EIF4E3: variants seen among roughly 807,000 people sequenced by gnomAD.
EIF4E3 encodes the protein eukaryotic translation initiation factor 4E family member 3, also known as eukaryotic translation initiation factor 4E type 3.
In EIF4E3, 26 loss-of-function variants were observed where a neutral mutation model predicts 31.7. The observed-to-expected ratio is 0.82, with a 90% CI of 0.60 to 1.14. The LOEUF is 1.14. Ranked by LOEUF, EIF4E3 falls within the 50% of genes most tolerant of loss-of-function variation. EIF4E3 has a pLI of 0.00. For synonymous variants in EIF4E3, 128 were observed against 107.7 expected, an observed-to-expected ratio of 1.19 and a Z score of -1.17; for missense variants, 304 against 270.9, an observed-to-expected ratio of 1.12 and a Z score of -0.86.
chr3:71,667,633 T>C, the EIF4E3 span, among the ~76,000 whole-genome samples: 1 of 152,176 alleles, frequency 6.6e-6, no homozygotes, highest in East Asian at 1.9e-4. Flanking sequence ...AGCCAAATCA[T>C]GAGTGAACTC....
upstream of EIF4E3, among the ~76,000 whole-genome samples, chr3:71,728,304 T>G (rs188864926): frequency 5.1e-4 from 77 of 152,346 alleles, no homozygotes; most frequent in Non-Finnish European, 5.4e-4. Flanking sequence ...TTATTTTTAT[T>G]GCTCTTCAGA....
At chr3:71,710,755 C>T (rs1006955905) in intron 1 of EIF4E3, among the ~76,000 whole-genome samples, 2 of 152,244 alleles carry the variant, frequency 1.3e-5, no homozygotes, top group African/African-American at 4.8e-5. Flanking sequence ...GGAATGGACA[C>T]CTGAAAATCA....
At chr3:71,743,011 C>T (rs568953722) in intron 1 of EIF4E3, among the ~76,000 whole-genome samples, 77 of 152,244 alleles carry the variant, frequency 5.1e-4, no homozygotes, top group African/African-American at 1.7e-3. Flanking sequence ...CATCTATAGG[C>T]GCCTATAAAA....
intron 2 of EIF4E3, among the ~76,000 whole-genome samples, chr3:71,701,974 G>T (rs925432182): frequency 3.3e-5 from 5 of 152,164 alleles, no homozygotes; most frequent in African/African-American, 1.2e-4. Context: ...GTACAAATAA[G>T]ATTATTCCAA....
intron 6 of EIF4E3, among the ~76,000 whole-genome samples, chr3:71,688,127 T>C (rs1199442911): frequency 6.6e-6 from 1 of 152,220 alleles, no homozygotes; most frequent in African/African-American, 2.4e-5. Flanking sequence ...CTGTATTACA[T>C]ACTTTGCAAT....
intron 6 of EIF4E3, among the ~76,000 whole-genome samples, chr3:71,686,428 A>C (rs1429638555): frequency 6.6e-6 from 1 of 152,048 alleles, no homozygotes; most frequent in East Asian, 1.9e-4. Flanking sequence ...GGAGAGATGC[A>C]CTTTATACCT....
intron 2 of EIF4E3, 126 bp downstream of exon 2, chr3:71,710,286 C>T: frequency 9.3e-7 from 1 of 1,076,088 alleles, no homozygotes; most frequent in Non-Finnish European, 1.4e-6. Flanking sequence ...CCAACCTGGA[C>T]CCGAGAGCCA....
chr3:71,697,221 T>G (rs913528949), intron 3 of EIF4E3, among the ~76,000 whole-genome samples: 1 of 152,030 alleles, frequency 6.6e-6, no homozygotes. Flanking sequence ...CTCTCTCACT[T>G]TGCTGCTCAG....
chr3:71,690,054 T>A lies in EIF4E3; in HGVS notation c.584A>T (p.Tyr195Phe). 6.2e-7 allele frequency: 1 copy of A among 1,613,806 alleles called. No homozygotes were observed. The highest frequency in any genetic ancestry group is 8.5e-7 in the Non-Finnish European group (1 of 1,179,900). ...VGEATVLEKI[Y>F]ELLPHITFKA... ...AAAAGTTATGTGGGGCAGAAGTTCA[T>A]AGATCTTTTCTAAAACAGTCGCTTC... The change falls in exon 6 of 7, where the codon TAT becomes TTT. Residue 195 changes from tyrosine (Y) to phenylalanine (F), a missense_variant. Coordinates refer to ENST00000425534, the MANE Select transcript of EIF4E3 (RefSeq NM_001134651.2).
chr3:71,694,070 C>CCA, intron 4 of EIF4E3, 129 bp from the exon 5 acceptor site: 1 of 783,014 alleles, frequency 1.3e-6, no homozygotes, highest in South Asian at 2.2e-5. Flanking sequence ...TACTTGGAGT[C>CCA]CACAGACACC....
At chr3:71,754,150 C>T (rs774453916), upstream of EIF4E3, 5 of 1,459,142 alleles carry the variant, frequency 3.4e-6, no homozygotes, top group Admixed American at 4.0e-5. The surrounding 1 kb of genome is among the most constrained non-coding windows in gnomAD (Gnocchi z 5.8). Flanking sequence ...GTGAGCCTAG[C>T]GGGCAACGTG....
intron 3 of EIF4E3, among the ~76,000 whole-genome samples, 193 bp downstream of exon 3, chr3:71,699,421 A>G (rs2108047138): frequency 6.6e-6 from 1 of 152,350 alleles, no homozygotes; most frequent in South Asian, 2.1e-4. Flanking sequence ...AAACTAACTT[A>G]CTGTCCATCT....
At chr3:71,728,611 GA>G (rs1406812576), upstream of EIF4E3, 1 of 152,808 alleles carries the variant, frequency 6.5e-6, no homozygotes, top group Non-Finnish European at 1.5e-5. Context: ...AAGAGAAGGT[GA>G]CCCCACAGCC....
chr3:71,710,421 C>T lies in EIF4E3; in HGVS notation c.240G>A (p.Gln80=), dbSNP rs1459635103. The T allele has an allele frequency of 6.4e-7, 1 of 1,552,008 alleles. No homozygotes were observed. The highest frequency in any genetic ancestry group is 1.4e-5 in the African/African-American group (1 of 73,042). Reference sequence around the variant, plus strand: ...CCTCTCTTGATCTTACCTGTACTGTCTGTACTGTGTAGATTTTCTTCAGAT... The same window carrying T: ...CCTCTCTTGATCTTACCTGTACTGTTTGTACTGTGTAGATTTTCTTCAGAT... ...ASNLKKIYTV[Q]TVQIFWSVYN... The change falls in exon 2 of 7, where the codon CAG becomes CAA. Residue 80 remains glutamine (Q), a synonymous_variant. Transcript: ENST00000425534.
At position 71,717,243 on chromosome 3, in the gene EIF4E3, T is replaced by C. The variant is rs2049479076; in HGVS notation, c.177-6759A>G. ...ATGAGACCTGCTAAATCCTATGTGA[T>C]TTGCATGTACATTAGAGTTTGAGAC... On this transcript the variant is annotated intron_variant, in intron 1 of 6. Transcript: ENST00000425534. Among the ~76,000 whole-genome samples the C allele has an allele frequency of 2.0e-5, 3 of 152,216 alleles. 1 individual carries two copies. In the South Asian group the frequency reaches 6.2e-4, roughly 32 times the overall value.
intron 2 of EIF4E3, among the ~76,000 whole-genome samples, chr3:71,703,912 C>G (rs886720654): frequency 6.6e-6 from 1 of 151,362 alleles, no homozygotes; most frequent in African/African-American, 2.4e-5. Flanking sequence ...TATTTTTGCT[C>G]ATTAGGTATT....
At chr3:71,661,950 C>A in the EIF4E3 span, among the ~76,000 whole-genome samples, 3 of 152,160 alleles carry the variant, frequency 2.0e-5, no homozygotes, top group Non-Finnish European at 4.4e-5. Flanking sequence ...CCAGCTAAGT[C>A]ACCTTGGACA....
intron 1 of EIF4E3, among the ~76,000 whole-genome samples, chr3:71,753,293 G>A (rs1361752175): frequency 6.6e-6 from 1 of 152,176 alleles, no homozygotes; most frequent in Non-Finnish European, 1.5e-5. Flanking sequence ...AGCGGTTTTA[G>A]GATTACGATG....
chr3:71,724,240 A>G (rs1020626374), intron 1 of EIF4E3, among the ~76,000 whole-genome samples: 3 of 152,280 alleles, frequency 2.0e-5, no homozygotes, highest in African/African-American at 4.8e-5. Flanking sequence ...CCATCTATTC[A>G]TTCATAACAA....
Sources: allele counts gnomAD v4.1 joint callset (sites outside exome capture counted in the v4.1 genomes callset), GRCh38; gene constraint gnomAD v4.1.1; non-coding constraint Gnocchi (gnomAD v3.1); transcripts MANE v1.5; gene names NCBI Gene and HGNC (gene_info 2026-07-23, HGNC 2026-07-21).